ACAP2: variants seen among roughly 807,000 people sequenced by gnomAD.
The protein encoded by ACAP2 is arf-GAP with coiled-coil, ANK repeat and PH domain-containing protein 2.
Under a neutral mutation model 115.8 loss-of-function variants are expected in ACAP2, and 39 were observed. That is an observed-to-expected ratio of 0.34 (90% confidence interval 0.26 to 0.44). ACAP2 has a LOEUF of 0.44. ACAP2 is among the 20% of genes least tolerant of loss of function. The pLI is 1.00. For missense variants in ACAP2, 662 were observed against 927.6 expected (o/e 0.71, Z 3.72); for synonymous variants, 289 against 315.8 (o/e 0.92, Z 0.90).
intron 4 of ACAP2, among the ~76,000 whole-genome samples, chr3:195,347,250 G>A (rs1481651547): frequency 6.6e-6 from 1 of 152,078 alleles, no homozygotes; most frequent in South Asian, 2.1e-4. Flanking sequence ...TAAAACCAAC[G>A]AAAAGAGAAC....
intron 10 of ACAP2, among the ~76,000 whole-genome samples, chr3:195,319,777 G>A (rs892059291): frequency 5.9e-5 from 9 of 152,132 alleles, no homozygotes; most frequent in Middle Eastern, 3.2e-3. Flanking sequence ...CTGTGGACTT[G>A]GACTTTTGAG....
At chr3:195,310,882 G>A (rs569821745) in intron 10 of ACAP2, among the ~76,000 whole-genome samples, 36 of 151,744 alleles carry the variant, frequency 2.4e-4, no homozygotes, top group Admixed American at 1.3e-4. Flanking sequence ...AAGGAAAAAC[G>A]TCATATATCC....
At position 195,276,952 on chromosome 3, in the gene ACAP2, C is replaced by T. The variant is rs1382320374; in HGVS notation, c.*2376G>A. Reference sequence around the variant, plus strand: ...TGCTTTCTCTGAAGATATTCTGAACCATGATCATCTTTAAGGCACTTCAAA... The same window carrying T: ...TGCTTTCTCTGAAGATATTCTGAACTATGATCATCTTTAAGGCACTTCAAA... On this transcript the variant is annotated 3_prime_UTR_variant, in exon 23 of 23. Coordinates refer to ENST00000326793, the MANE Select transcript of ACAP2 (RefSeq NM_012287.6). 6.6e-6 allele frequency: 1 copy of T among 152,166 alleles called. No homozygotes were observed. Among genetic ancestry groups the T allele is most frequent in the Non-Finnish European group, 1.5e-5 (1 of 68,022 alleles). 9.4% of individuals were successfully genotyped at this position (152,166 alleles called of 1,614,324 possible). A position where few individuals can be genotyped will look rare whatever the true frequency, so the allele number is the denominator to read the frequency against.
chr3:195,440,010 ACAAT>A (rs1263098612), intron 1 of ACAP2, among the ~76,000 whole-genome samples: 2 of 152,182 alleles, frequency 1.3e-5, no homozygotes, highest in African/African-American at 4.8e-5. Context: ...GCAACTACAT[ACAAT>A]TAAGGGCCCA....
chr3:195,404,957 C>T (rs942826932), intron 1 of ACAP2, among the ~76,000 whole-genome samples: 6 of 151,734 alleles, frequency 4.0e-5, no homozygotes, highest in Non-Finnish European at 8.8e-5. Flanking sequence ...ACCACAACAC[C>T]CGGCTACTTT....
intron 5 of ACAP2, among the ~76,000 whole-genome samples, chr3:195,343,395 G>A (rs1207892941): frequency 6.6e-6 from 1 of 152,032 alleles, no homozygotes; most frequent in East Asian, 1.9e-4. Context: ...GAAATCTGAG[G>A]AGTATTTTTT....
At chr3:195,362,966 G>C (rs1335430090) in intron 4 of ACAP2, among the ~76,000 whole-genome samples, 2 of 152,102 alleles carry the variant, frequency 1.3e-5, no homozygotes, top group African/African-American at 4.8e-5. Flanking sequence ...AGAGCAATAA[G>C]ACAAGAGACT....
At position 195,392,120 on chromosome 3, in the gene ACAP2, A is replaced by G. The variant is rs113782604; in HGVS notation, c.81T>C (p.Asp27=). 6.8e-5 allele frequency: 110 copies of G among 1,612,996 alleles called. 2 individuals are homozygous for G. In the African/African-American group the frequency reaches 1.0e-3, roughly 15 times the overall value. The part of the protein sequence containing the change: ...FRAALEEVEG[D]VAELELKLDK... ...CAAGTTTTAGTTCCAATTCTGCCACATCACCTTCTACTTCTTCCAAAGCTG... is the reference window on the plus strand; with the variant it reads ...CAAGTTTTAGTTCCAATTCTGCCACGTCACCTTCTACTTCTTCCAAAGCTG... The change falls in exon 2 of 23, where the codon GAT becomes GAC. Residue 27 remains aspartate (D), a synonymous_variant. Transcript: ENST00000326793.
intron 1 of ACAP2, among the ~76,000 whole-genome samples, chr3:195,432,736 T>G (rs558485433): frequency 1.3e-5 from 2 of 152,346 alleles, no homozygotes; most frequent in African/African-American, 4.8e-5. Context: ...GGTTGGAATT[T>G]TCATAGAGAT....
chr3:195,400,237 T>C (rs1712170334), intron 1 of ACAP2, among the ~76,000 whole-genome samples: 1 of 151,800 alleles, frequency 6.6e-6, no homozygotes, highest in Admixed American at 6.6e-5. Context: ...TGTATATATA[T>C]ATATATTCCA....
intron 13 of ACAP2, among the ~76,000 whole-genome samples, chr3:195,305,128 T>C (rs537112236): frequency 7.6e-4 from 116 of 152,278 alleles, no homozygotes; most frequent in African/African-American, 2.6e-3. Flanking sequence ...TCTGTAAACA[T>C]TTAGTGAACA....
intron 4 of ACAP2, among the ~76,000 whole-genome samples, 167 bp downstream of exon 4, chr3:195,380,842 A>T (rs1352121981): frequency 6.6e-6 from 1 of 152,180 alleles, no homozygotes; most frequent in Non-Finnish European, 1.5e-5. Flanking sequence ...ACACACACTC[A>T]CACACAAATA....
At position 195,306,531 on chromosome 3, in the gene ACAP2, C is replaced by T; in HGVS notation, c.1096G>A (p.Glu366Lys). Residue 366 changes from glutamate (E) to lysine (K), a missense_variant, in exon 13 of 23, where the codon GAG becomes AAG. Physicochemically the swap from Glu to Lys is moderately conservative, Grantham distance 56. This residue lies in a region of ACAP2 where 401 missense variants were observed against 604.4 expected (regional missense o/e 0.66). Coordinates refer to ENST00000326793, the MANE Select transcript of ACAP2 (RefSeq NM_012287.6). ...CTAACCTCTGATTCATCACCCTTCT[C>T]TCTATAAGCAGTAGCAATACTGGTC... Reference protein sequence around the residue: ...VQTSIATAYREKGDESEKLDK... With the variant: ...VQTSIATAYRKKGDESEKLDK... 6.2e-7 allele frequency: 1 copy of T among 1,611,344 alleles called. No individual in the cohort carries two copies. Among genetic ancestry groups the T allele is most frequent in the Non-Finnish European group, 8.5e-7 (1 of 1,178,932 alleles).
chr3:195,359,918 G>C (rs1049526048), intron 4 of ACAP2, among the ~76,000 whole-genome samples: 1 of 152,068 alleles, frequency 6.6e-6, no homozygotes, highest in Non-Finnish European at 1.5e-5. Context: ...AGCAAGAAAA[G>C]AAAACATAAC....
At chr3:195,368,975 T>C (rs1296160162) in intron 4 of ACAP2, among the ~76,000 whole-genome samples, 3 of 152,022 alleles carry the variant, frequency 2.0e-5, no homozygotes, top group Non-Finnish European at 2.9e-5. Context: ...TCCCAGCTAC[T>C]TGGGGGGCTG....
At chr3:195,437,618 A>G (rs192676027) in intron 1 of ACAP2, among the ~76,000 whole-genome samples, 93 of 152,182 alleles carry the variant, frequency 6.1e-4, no homozygotes, top group Admixed American at 3.0e-3. Flanking sequence ...GTTCAAGACC[A>G]GCCTGGCCAA....
At chr3:195,305,921 C>T (rs76884270) in intron 13 of ACAP2, among the ~76,000 whole-genome samples, 3,270 of 152,072 alleles carry the variant, frequency 0.022, 116 homozygotes, top group East Asian at 0.1. Context: ...AGAGAGCAGT[C>T]GATCCCCCTA....
intron 11 of ACAP2, 34 bp from the exon 12 acceptor site, chr3:195,307,357 C>A (rs1728491016): frequency 7.0e-7 from 1 of 1,435,728 alleles, no homozygotes. Context: ...CATATTTTTC[C>A]ACTTAGGTTT....
At chr3:195,400,044 GGC>G (rs1390319191) in intron 1 of ACAP2, among the ~76,000 whole-genome samples, 1 of 151,872 alleles carries the variant, frequency 6.6e-6, no homozygotes, top group Non-Finnish European at 1.5e-5. Flanking sequence ...CGGGTATGGT[GGC>G]GCATGCCTGT....
Sources: gnomAD v4.1 joint callset for allele counts (sites outside exome capture counted in the v4.1 genomes callset) on GRCh38, gnomAD v4.1.1 for gene constraint, gnomAD v4.1.1 regional missense constraint, MANE v1.5 for transcripts, NCBI Gene and HGNC (gene_info 2026-07-23, HGNC 2026-07-21) for gene names.